NPAS3: variants seen among roughly 807,000 people sequenced by gnomAD.
The protein encoded by NPAS3 is neuronal PAS domain protein 3.
A neutral mutation model predicts 73.1 loss-of-function variants in NPAS3; 14 were observed. That is an observed-to-expected ratio of 0.19 (90% confidence interval 0.13 to 0.30). The LOEUF (loss-of-function observed/expected upper bound fraction) is 0.30, where lower values mean the gene tolerates loss of function less well. Among genes scored for constraint, NPAS3 ranks in the 10% least tolerant of loss-of-function variants. The pLI is 1.00. For missense variants in NPAS3, 1,096 were observed against 1,250.0 expected, an observed-to-expected ratio of 0.88 and a Z score of 1.86; for synonymous variants, 620 against 541.5, an observed-to-expected ratio of 1.14 and a Z score of -2.01.
intron 7 of NPAS3, among the ~76,000 whole-genome samples, chr14:33,739,740 C>G (rs2061609854): frequency 6.6e-6 from 1 of 152,096 alleles, no homozygotes; most frequent in Admixed American, 6.6e-5. Context: ...GTTACAAAAC[C>G]CTATTTAACA....
At chr14:33,259,882 C>T (rs1403625708) in intron 3 of NPAS3, among the ~76,000 whole-genome samples, 1 of 148,654 alleles carries the variant, frequency 6.7e-6, no homozygotes, top group Non-Finnish European at 1.5e-5. Flanking sequence ...GAGAGAGCAA[C>T]ATCTTAACCA....
At chr14:33,177,978 G>C (rs1008581474) in intron 2 of NPAS3, among the ~76,000 whole-genome samples, 1 of 151,932 alleles carries the variant, frequency 6.6e-6, no homozygotes, top group Non-Finnish European at 1.5e-5. Context: ...TTTGGCTATT[G>C]GGAGCCCCTT....
chr14:33,090,851 A>G (rs1262818113), intron 2 of NPAS3, among the ~76,000 whole-genome samples: 1 of 152,178 alleles, frequency 6.6e-6, no homozygotes, highest in East Asian at 1.9e-4. Flanking sequence ...CTCACTCAAA[A>G]CCGCTCAACT....
chr14:33,084,319 A>G (rs1273235614), intron 2 of NPAS3, among the ~76,000 whole-genome samples: 2 of 152,176 alleles, frequency 1.3e-5, no homozygotes, highest in Non-Finnish European at 2.9e-5. Context: ...TTGGGTCTGC[A>G]TTAAATACAG....
intron 1 of NPAS3, among the ~76,000 whole-genome samples, chr14:32,975,024 T>C (rs1455157276): frequency 6.6e-6 from 1 of 152,192 alleles, no homozygotes; most frequent in Admixed American, 6.5e-5. Context: ...TCTTTAGATT[T>C]GTCTATATTA....
At chr14:33,215,056 T>A in intron 2 of NPAS3, 126 bp from the exon 3 acceptor site, 1 of 961,010 alleles carries the variant, frequency 1.0e-6, no homozygotes, top group South Asian at 1.6e-5. Flanking sequence ...TTACTGTCAC[T>A]CTCTAGTTTT....
chr14:33,402,939 G>C (rs1368184318), intron 4 of NPAS3, among the ~76,000 whole-genome samples: 1 of 152,100 alleles, frequency 6.6e-6, no homozygotes, highest in Non-Finnish European at 1.5e-5. Flanking sequence ...AGAGTCCCTA[G>C]CTATCAGTAT....
chr14:33,220,419 A>G (rs761303723), intron 3 of NPAS3, among the ~76,000 whole-genome samples: 1 of 152,206 alleles, frequency 6.6e-6, no homozygotes, highest in Non-Finnish European at 1.5e-5. Flanking sequence ...TTACTTAGGT[A>G]TGCTTCCAGG....
At chr14:33,333,295 G>C (rs989012666) in intron 3 of NPAS3, among the ~76,000 whole-genome samples, 1 of 152,126 alleles carries the variant, frequency 6.6e-6, no homozygotes, top group Non-Finnish European at 1.5e-5. Context: ...CTTTGATAAA[G>C]AAGAAAATTG....
chr14:33,726,936 G>A (rs1319689861), intron 6 of NPAS3, among the ~76,000 whole-genome samples: 1 of 152,096 alleles, frequency 6.6e-6, no homozygotes, highest in Non-Finnish European at 1.5e-5. Flanking sequence ...GCGTACCAAT[G>A]GTTTGAATCA....
At chr14:33,188,665 C>T (rs946534007) in intron 2 of NPAS3, among the ~76,000 whole-genome samples, 71 of 152,316 alleles carry the variant, frequency 4.7e-4, no homozygotes, top group African/African-American at 1.7e-3. Context: ...AGAGCTTCAG[C>T]TCAGTTCAGG....
At chr14:33,462,366 C>T (rs1410446314) in intron 4 of NPAS3, among the ~76,000 whole-genome samples, 3 of 152,190 alleles carry the variant, frequency 2.0e-5, no homozygotes, top group Non-Finnish European at 4.4e-5. Flanking sequence ...TAATTGAACT[C>T]TCTGCCCCTT....
chr14:33,698,157 C>G (rs2060436716), intron 6 of NPAS3, among the ~76,000 whole-genome samples: 1 of 152,150 alleles, frequency 6.6e-6, no homozygotes, highest in Non-Finnish European at 1.5e-5. Flanking sequence ...CAGTAAATGA[C>G]AAATCATCAC....
intron 3 of NPAS3, among the ~76,000 whole-genome samples, chr14:33,253,239 A>T (rs2048655133): frequency 6.6e-6 from 1 of 152,122 alleles, no homozygotes; most frequent in South Asian, 2.1e-4. Context: ...CATTCTCAAC[A>T]GTGTATAAAT....
At chr14:33,190,495 A>G (rs138197489) in intron 2 of NPAS3, among the ~76,000 whole-genome samples, 186 of 152,360 alleles carry the variant, frequency 1.2e-3, no homozygotes, top group African/African-American at 4.1e-3. Context: ...CAATTTCACA[A>G]AAATAGTTGA....
chr14:33,528,633 C>A (rs1256362240), intron 4 of NPAS3, among the ~76,000 whole-genome samples: 1 of 152,018 alleles, frequency 6.6e-6, no homozygotes, highest in South Asian at 2.1e-4. Flanking sequence ...CTCTTCCCAG[C>A]GCCTGCTTAA....
chr14:33,062,819 C>T (rs536550109), intron 2 of NPAS3, among the ~76,000 whole-genome samples: 1 of 152,342 alleles, frequency 6.6e-6, no homozygotes, highest in East Asian at 1.9e-4. Flanking sequence ...AGAAATACTA[C>T]AGCAAACTTA....
intron 7 of NPAS3, among the ~76,000 whole-genome samples, chr14:33,754,152 G>T (rs2062045036): frequency 1.3e-5 from 2 of 152,156 alleles, no homozygotes; most frequent in Non-Finnish European, 2.9e-5. Flanking sequence ...GAAAGAAGCT[G>T]CATTACAGAC....
intron 4 of NPAS3, among the ~76,000 whole-genome samples, chr14:33,500,060 G>C (rs556319389): frequency 2.6e-5 from 4 of 152,006 alleles, no homozygotes; most frequent in African/African-American, 9.6e-5. Context: ...TGAAACGGTA[G>C]CTTTAGGGTC....
Sources: allele counts gnomAD v4.1 joint callset (sites outside exome capture counted in the v4.1 genomes callset), GRCh38; gene constraint gnomAD v4.1.1; transcripts MANE v1.5; gene names NCBI Gene and HGNC (gene_info 2026-07-23, HGNC 2026-07-21).